Variants in GPC6 observed in about 807,000 individuals in gnomAD.
GPC6 encodes glypican 6, also known as glypican-6.
A neutral mutation model predicts 55.2 loss-of-function variants in GPC6; 14 were observed. The ratio of observed to expected loss-of-function variants is 0.25; its 90% CI spans 0.17 to 0.40. The LOEUF (loss-of-function observed/expected upper bound fraction) is 0.40. Among genes scored for constraint, GPC6 ranks in the 10% least tolerant of loss-of-function variants. GPC6 has a pLI of 1.00. For missense variants in GPC6, 641 were observed against 708.5 expected (o/e 0.90, Z 1.08); for synonymous variants, 278 against 259.6 (o/e 1.07, Z -0.68).
chr13:93,415,887 A>C (rs1876680085), intron 1 of GPC6, among the ~76,000 whole-genome samples: 1 of 152,052 alleles, frequency 6.6e-6, no homozygotes, highest in African/African-American at 2.4e-5. Flanking sequence ...TTATTTTTGG[A>C]GGGTGATGAA....
chr13:93,347,713 A>G (rs560297136), intron 1 of GPC6, among the ~76,000 whole-genome samples: 1 of 152,266 alleles, frequency 6.6e-6, no homozygotes, highest in Admixed American at 6.5e-5. Flanking sequence ...TTTGATCTTT[A>G]TTAGTTTCAT....
intron 2 of GPC6, among the ~76,000 whole-genome samples, chr13:93,802,412 T>C (rs1594470154): frequency 6.6e-6 from 1 of 152,212 alleles, no homozygotes; most frequent in Non-Finnish European, 1.5e-5. Context: ...TACTTTTTTT[T>C]TTTTTAAGAG....
intron 4 of GPC6, among the ~76,000 whole-genome samples, chr13:94,153,911 A>G (rs1352390815): frequency 6.6e-6 from 1 of 152,206 alleles, no homozygotes; most frequent in Non-Finnish European, 1.5e-5. Flanking sequence ...AACACAACTC[A>G]GAATTGTGCA....
chr13:93,644,688 T>G (rs1246043194), intron 2 of GPC6, among the ~76,000 whole-genome samples: 1 of 151,840 alleles, frequency 6.6e-6, no homozygotes, highest in African/African-American at 2.4e-5. Context: ...AGTTAATAAT[T>G]GATGTGGTGA....
At chr13:94,142,029 CTGAAA>C (rs1220271787) in intron 4 of GPC6, among the ~76,000 whole-genome samples, 1 of 150,808 alleles carries the variant, frequency 6.6e-6, no homozygotes, top group Non-Finnish European at 1.5e-5. Flanking sequence ...TATCCTCTTT[CTGAAA>C]TCTTATTGAA....
chr13:93,458,834 A>G (rs1207108069), intron 1 of GPC6, among the ~76,000 whole-genome samples: 1 of 152,148 alleles, frequency 6.6e-6, no homozygotes, highest in African/African-American at 2.4e-5. Flanking sequence ...AATATATGCC[A>G]TCCACTCACA....
At chr13:93,650,744 C>T (rs907993857) in intron 2 of GPC6, among the ~76,000 whole-genome samples, 3 of 152,114 alleles carry the variant, frequency 2.0e-5, no homozygotes, top group African/African-American at 7.2e-5. Flanking sequence ...AATCAGTTAG[C>T]GTTAATAGGT....
At chr13:93,956,742 T>C (rs1879524326) in intron 3 of GPC6, among the ~76,000 whole-genome samples, 1 of 152,236 alleles carries the variant, frequency 6.6e-6, no homozygotes, top group African/African-American at 2.4e-5. Context: ...GGCATGTTTG[T>C]TTTAAACAGA....
chr13:94,117,330 G>A (rs1482394347), intron 4 of GPC6, among the ~76,000 whole-genome samples: 1 of 152,066 alleles, frequency 6.6e-6, no homozygotes, highest in Non-Finnish European at 1.5e-5. Context: ...ATAATTCTAT[G>A]TCATTAACAA....
intron 3 of GPC6, among the ~76,000 whole-genome samples, chr13:93,868,120 C>G (rs1889025499): frequency 6.6e-6 from 1 of 151,730 alleles, no homozygotes; most frequent in Non-Finnish European, 1.5e-5. Context: ...TTCACACATG[C>G]TAAAAGTTTG....
chr13:93,975,265 A>T (rs555959798), intron 3 of GPC6, among the ~76,000 whole-genome samples: 1 of 152,288 alleles, frequency 6.6e-6, no homozygotes, highest in East Asian at 1.9e-4. Context: ...AATTATGTTA[A>T]ACTCTTGCCA....
chr13:94,272,913 G>T (rs114486605), intron 4 of GPC6, among the ~76,000 whole-genome samples: 1 of 151,998 alleles, frequency 6.6e-6, no homozygotes, highest in African/African-American at 2.4e-5. Context: ...CAGGCTCCTC[G>T]TGTCCCTGGA....
intron 2 of GPC6, among the ~76,000 whole-genome samples, chr13:93,601,871 A>G (rs1157438150): frequency 1.3e-5 from 2 of 152,254 alleles, no homozygotes; most frequent in African/African-American, 4.8e-5. Context: ...TATTTTAAAA[A>G]TCGTATCTGC....
intron 3 of GPC6, among the ~76,000 whole-genome samples, chr13:93,869,538 T>A (rs1348763768): frequency 6.6e-6 from 1 of 151,872 alleles, no homozygotes; most frequent in Non-Finnish European, 1.5e-5. Flanking sequence ...TTGTCAACTG[T>A]TACTTCTAAA....
intron 3 of GPC6, among the ~76,000 whole-genome samples, chr13:93,993,173 G>A (rs938109393): frequency 9.2e-5 from 14 of 152,028 alleles, no homozygotes; most frequent in African/African-American, 2.7e-4. Context: ...AAGGAAACAC[G>A]TCCTCTATAT....
At chr13:93,765,469 T>C (rs1885102711) in intron 2 of GPC6, among the ~76,000 whole-genome samples, 2 of 145,840 alleles carry the variant, frequency 1.4e-5, no homozygotes, top group African/African-American at 5.0e-5. Context: ...TAATATATAC[T>C]ATTTATATTA....
intron 2 of GPC6, among the ~76,000 whole-genome samples, chr13:93,766,575 G>C (rs1885136134): frequency 6.6e-6 from 1 of 151,602 alleles, no homozygotes; most frequent in Non-Finnish European, 1.5e-5. Flanking sequence ...TTTAAAAAGA[G>C]TATTGATAGA....
intron 7 of GPC6, among the ~76,000 whole-genome samples, chr13:94,386,317 A>G (rs1880404971): frequency 1.3e-5 from 2 of 151,438 alleles, no homozygotes; most frequent in Non-Finnish European, 2.9e-5. Flanking sequence ...CAGAGATCAC[A>G]CCACTGCACT....
At position 93,668,932 on chromosome 13, in the gene GPC6, C is replaced by T. The variant is rs545479759; in HGVS notation, c.319+123511C>T. Among the ~76,000 whole-genome samples the T allele has an allele frequency of 1.4e-4, 21 of 152,266 alleles. No individual in the cohort carries two copies. The South Asian group carries it at 1.9e-3, about 14-fold the overall frequency. ...CAACCTAAGATCAAGGTGACTTATA[C>T]GAACAATCCCTTTTCCCTGTTATTC... is the stretch of plus-strand genomic sequence containing the variant. On this transcript the variant is annotated intron_variant, in intron 2 of 8. Transcript: ENST00000377047.
Sources: gnomAD v4.1 joint callset for allele counts (sites outside exome capture counted in the v4.1 genomes callset) on GRCh38, gnomAD v4.1.1 for gene constraint, MANE v1.5 for transcripts, NCBI Gene and HGNC (gene_info 2026-07-23, HGNC 2026-07-21) for gene names.